MED13L: variants seen among roughly 807,000 people sequenced by gnomAD.
The protein encoded by MED13L is mediator of RNA polymerase II transcription subunit 13-like.
In MED13L, 7 loss-of-function variants were observed where a neutral mutation model predicts 220.9. That is an observed-to-expected ratio of 0.03 (90% confidence interval 0.02 to 0.06). The LOEUF (loss-of-function observed/expected upper bound fraction) is 0.06. MED13L is among the 10% of genes least tolerant of loss of function. The pLI is 1.00. For missense variants in MED13L, 1,965 were observed against 2,760.5 expected (o/e 0.71, Z 6.46); for synonymous variants, 1,011 against 1,015.2 (o/e 1.00, Z 0.08).
chr12:116,138,723 A>G (rs904947040), intron 2 of MED13L, among the ~76,000 whole-genome samples: 4 of 152,238 alleles, frequency 2.6e-5, no homozygotes, highest in Admixed American at 2.0e-4. Flanking sequence ...TTCTAAGCAA[A>G]TGTTAGTCAT....
At chr12:116,213,203 G>A (rs781467012) in intron 2 of MED13L, among the ~76,000 whole-genome samples, 11 of 149,844 alleles carry the variant, frequency 7.3e-5, no homozygotes, top group Non-Finnish European at 1.5e-4. Context: ...GGGAGGGAGG[G>A]AGGGAATGGG....
intron 4 of MED13L, among the ~76,000 whole-genome samples, chr12:116,077,622 T>A (rs1272200841): frequency 6.6e-6 from 1 of 152,194 alleles, no homozygotes; most frequent in Non-Finnish European, 1.5e-5. Context: ...TGTGTACATA[T>A]GCACAGACTA....
chr12:116,162,429 G>A (rs1758719926), intron 2 of MED13L, among the ~76,000 whole-genome samples: 1 of 152,188 alleles, frequency 6.6e-6, no homozygotes, highest in Non-Finnish European at 1.5e-5. Flanking sequence ...AAGAGTAAAA[G>A]TGGATATGGA....
chr12:116,126,180 G>A (rs947085796), intron 2 of MED13L, among the ~76,000 whole-genome samples: 4 of 152,112 alleles, frequency 2.6e-5, no homozygotes, highest in Non-Finnish European at 5.9e-5. Context: ...CTTCATGTTG[G>A]TGTTTCAACT....
At chr12:116,061,016 A>C (rs753413953) in intron 4 of MED13L, among the ~76,000 whole-genome samples, 25 of 152,160 alleles carry the variant, frequency 1.6e-4, no homozygotes, top group African/African-American at 7.2e-5. Context: ...TTCTCCTCCC[A>C]TCTCTGAGAC....
At position 116,038,259 on chromosome 12, in the gene MED13L, A is replaced by G. The variant is rs145195795; in HGVS notation, c.480-15658T>C. ...ACAAGCAAGGTATAAGACATGGGGG[A>G]TGATGAGGAACCACATAAATTTTTC... On this transcript the variant is annotated intron_variant, in intron 4 of 30. Transcript: ENST00000281928. Among the ~76,000 whole-genome samples, 147 of 150,728 alleles carry G rather than the reference A, an allele frequency of 9.8e-4. No homozygotes were observed. The Middle Eastern group carries it at 0.017, about 18-fold the overall frequency.
chr12:116,031,717 AAAG>A (rs1463007930), intron 4 of MED13L, among the ~76,000 whole-genome samples: 1 of 79,324 alleles, frequency 1.3e-5, no homozygotes, highest in Non-Finnish European at 2.3e-5. Flanking sequence ...AAAGAAAAGA[AAAG>A]AAAAGAAAAG....
chr12:116,005,910 A>T lies in MED13L; in HGVS notation c.2428T>A (p.Leu810Ile). Residue 810 changes from leucine (L) to isoleucine (I), a missense_variant, in exon 13 of 31, where the codon TTA becomes ATA. By Grantham distance (5) the Leu-to-Ile change is conservative (BLOSUM62 2). Around this residue, in one of 10 missense-constraint regions of MED13L, gnomAD observed 818 missense variants for 1,041.2 expected, o/e 0.79. Transcript: ENST00000281928. ...VTDLAPSLHD[L>I]DNIFDNSDDD... ...TCAGAATTATCAAAGATGTTGTCTA[A>T]GTCATGCAGGGAAGGTGCCAAATCT... is the stretch of plus-strand genomic sequence containing the variant. The T allele has an allele frequency of 6.2e-7, 1 of 1,614,014 alleles. No individual in the cohort carries two copies. The highest frequency in any genetic ancestry group is 8.5e-7 in the Non-Finnish European group (1 of 1,179,880).
chr12:116,257,632 A>G (rs1265747739), intron 1 of MED13L, among the ~76,000 whole-genome samples: 5 of 152,200 alleles, frequency 3.3e-5, no homozygotes, highest in Non-Finnish European at 7.3e-5. Flanking sequence ...TGTACAGAAA[A>G]AGAGATTACT....
intron 2 of MED13L, among the ~76,000 whole-genome samples, chr12:116,138,385 G>T (rs1488956404): frequency 6.6e-6 from 1 of 152,204 alleles, no homozygotes; most frequent in Non-Finnish European, 1.5e-5. Context: ...GGGAAGGGTG[G>T]TAACAACATT....
At chr12:116,034,994 G>C (rs1881090258) in intron 4 of MED13L, among the ~76,000 whole-genome samples, 1 of 152,102 alleles carries the variant, frequency 6.6e-6, no homozygotes, top group Admixed American at 6.6e-5. Flanking sequence ...GAAAAAGCGA[G>C]ACTGTCTCAA....
rs1196211816 is a variant in MED13L at position 116,005,879 on chromosome 12, T to C, written c.2459A>G (p.Asp820Gly). 6.2e-7 allele frequency: 1 copy of C among 1,613,914 alleles called. No individual in the cohort carries two copies. Among genetic ancestry groups the C allele is most frequent in the Non-Finnish European group, 8.5e-7 (1 of 1,179,804 alleles). Reference sequence around the variant, plus strand: ...CTACGGCAAACTCACCCCAAGTTCGTCGTCATCAGAATTATCAAAGATGTT... The same window carrying C: ...CTACGGCAAACTCACCCCAAGTTCGCCGTCATCAGAATTATCAAAGATGTT... ...LDNIFDNSDD[D>G]ELGAVSPALR... Residue 820 changes from aspartate (D) to glycine (G), a missense_variant, in exon 13 of 31, where the codon GAC becomes GGC. Asp to Gly is a moderately conservative substitution (Grantham distance 94). Transcript: ENST00000281928.
At chr12:116,233,090 G>GAAAAAAA (rs530903194) in intron 2 of MED13L, among the ~76,000 whole-genome samples, 6 of 82,944 alleles carry the variant, frequency 7.2e-5, no homozygotes, top group African/African-American at 9.0e-5. Flanking sequence ...CTGTCTAAAG[G>GAAAAAAA]AAAAAAAAAA....
intron 27 of MED13L, 133 bp from the exon 28 acceptor site, chr12:115,969,230 T>C: frequency 1.0e-6 from 1 of 980,058 alleles, no homozygotes; most frequent in Non-Finnish European, 1.5e-6. Context: ...GTTAATAACT[T>C]AGATTCAGTT....
chr12:115,971,318 G>A (rs867301698), intron 26 of MED13L, among the ~76,000 whole-genome samples: 3 of 152,066 alleles, frequency 2.0e-5, no homozygotes, highest in Admixed American at 6.5e-5. Context: ...AAGTGGTAGC[G>A]GCAACAGAGG....
Position 116,013,227 on chromosome 12 carries a change from G to A in MED13L, c.1176-326C>T, listed in dbSNP as rs75058149. Among the ~76,000 whole-genome samples the A allele has an allele frequency of 3.4e-3, 510 of 152,174 alleles. 20 individuals carry two copies. In the East Asian group the frequency reaches 0.081, roughly 24 times the overall value. On this transcript the variant is annotated intron_variant, in intron 8 of 30. Transcript: ENST00000281928. Reference sequence around the variant, plus strand: ...ATATATACAAATACAAAAATTAGCCGGGCATGGTGGCGCTTGCCTGTAGTC... The same window carrying A: ...ATATATACAAATACAAAAATTAGCCAGGCATGGTGGCGCTTGCCTGTAGTC...
chr12:116,236,071 T>A (rs1870053544), intron 2 of MED13L, among the ~76,000 whole-genome samples: 1 of 152,204 alleles, frequency 6.6e-6, no homozygotes, highest in African/African-American at 2.4e-5. Context: ...ATCTTCTAGG[T>A]GACATCTTAT....
rs558681360 is a variant in MED13L at position 116,192,270 on chromosome 12, T to A, written c.310+45198A>T. 2.6e-5 allele frequency among the ~76,000 whole-genome samples: 4 copies of A among 152,346 alleles called. No homozygotes were observed. The South Asian group carries it at 8.3e-4, about 32-fold the overall frequency. On this transcript the variant is annotated intron_variant, in intron 2 of 30. Transcript: ENST00000281928. ...ATGTCATGGCATGTATGTCAACATT[T>A]GAAAACTGCCAACATAGTTGGGGAA...
chr12:116,180,931 CTT>C (rs11320330), intron 2 of MED13L, among the ~76,000 whole-genome samples: 186 of 121,082 alleles, frequency 1.5e-3, no homozygotes, highest in Admixed American at 2.1e-3. Context: ...TTCTCTCTCT[CTT>C]TTTTTTTTTT....
Sources: gnomAD v4.1 joint callset for allele counts (sites outside exome capture counted in the v4.1 genomes callset) on GRCh38, gnomAD v4.1.1 for gene constraint, gnomAD v4.1.1 regional missense constraint, MANE v1.5 for transcripts, NCBI Gene and HGNC (gene_info 2026-07-23, HGNC 2026-07-21) for gene names.